Variants in NELL2 observed in about 807,000 individuals in gnomAD.
The protein encoded by NELL2 is neural EGFL like 2.
A neutral mutation model predicts 109.6 loss-of-function variants in NELL2; 41 were observed. The observed-to-expected ratio is 0.37, with a 90% confidence interval of 0.29 to 0.49. NELL2 has a LOEUF of 0.49. Among genes scored for constraint, NELL2 ranks in the 20% least tolerant of loss-of-function variants. The probability of loss-of-function intolerance (pLI) is 0.98; values close to 1 mark genes in which losing one functional copy is unlikely to be tolerated. For synonymous variants in NELL2, 355 were observed against 344.7 expected, an observed-to-expected ratio of 1.03 and a Z score of -0.33; for missense variants, 900 against 1,008.3, an observed-to-expected ratio of 0.89 and a Z score of 1.45.
chr12:44,633,691 T>C (rs1273958659), intron 13 of NELL2, among the ~76,000 whole-genome samples: 2 of 152,174 alleles, frequency 1.3e-5, no homozygotes, highest in Non-Finnish European at 1.5e-5. Flanking sequence ...AGTAGATTCA[T>C]ATGACGTTCT....
chr12:44,764,021 C>T (rs935155483), intron 9 of NELL2, among the ~76,000 whole-genome samples: 1 of 152,142 alleles, frequency 6.6e-6, no homozygotes, highest in Non-Finnish European at 1.5e-5. Context: ...CCCCAAGCTA[C>T]TAAAGGCCTG....
chr12:44,724,079 C>A (rs939472388), intron 9 of NELL2, among the ~76,000 whole-genome samples: 1 of 151,876 alleles, frequency 6.6e-6, no homozygotes, highest in African/African-American at 2.4e-5. Flanking sequence ...AGAATGAGAT[C>A]ATGCCCTTTG....
chr12:44,847,091 T>G (rs538991873), intron 2 of NELL2, among the ~76,000 whole-genome samples: 14 of 152,176 alleles, frequency 9.2e-5, no homozygotes, highest in Non-Finnish European at 1.9e-4. Flanking sequence ...CATAACATTC[T>G]ATGCTTCCAG....
chr12:44,786,928 G>A (rs926811268), intron 3 of NELL2, among the ~76,000 whole-genome samples: 2 of 151,932 alleles, frequency 1.3e-5, no homozygotes, highest in South Asian at 2.1e-4. Flanking sequence ...TAATGCATGC[G>A]GGGCTTAAAA....
chr12:44,683,392 C>T (rs1288645044), intron 12 of NELL2, among the ~76,000 whole-genome samples: 1 of 144,166 alleles, frequency 6.9e-6, no homozygotes, highest in Non-Finnish European at 1.5e-5. Flanking sequence ...TCCTCTTTTC[C>T]TGATTGAATA....
intron 1 of NELL2, among the ~76,000 whole-genome samples, chr12:44,908,188 A>G (rs912731068): frequency 6.6e-6 from 1 of 151,990 alleles, no homozygotes; most frequent in Non-Finnish European, 1.5e-5. Flanking sequence ...AGTGATCAAT[A>G]ATTTGAAGTG....
At chr12:44,833,074 C>A (rs747703233) in intron 2 of NELL2, among the ~76,000 whole-genome samples, 3 of 152,194 alleles carry the variant, frequency 2.0e-5, no homozygotes, top group Non-Finnish European at 4.4e-5. Flanking sequence ...CCAATTCCAC[C>A]ACCAGTTTTG....
intron 10 of NELL2, 26 bp downstream of exon 10, chr12:44,714,624 G>T: frequency 7.1e-7 from 1 of 1,414,466 alleles, no homozygotes. Context: ...AAACAATTTT[G>T]AAAGACCCAC....
At chr12:44,650,585 G>A (rs538838941) in intron 13 of NELL2, among the ~76,000 whole-genome samples, 44 of 152,130 alleles carry the variant, frequency 2.9e-4, no homozygotes, top group African/African-American at 9.6e-4. Flanking sequence ...GTAAACTACC[G>A]TGCCTGGCCC....
chr12:44,609,995 C>T (rs935472789), intron 14 of NELL2, among the ~76,000 whole-genome samples: 1 of 151,846 alleles, frequency 6.6e-6, no homozygotes, highest in African/African-American at 2.4e-5. Context: ...CCAAAAAGGT[C>T]TTCTATTTCC....
Position 44,573,377 on chromosome 12 carries a change from C to T in NELL2, c.1663+33792G>A, listed in dbSNP as rs528310107. 3.5e-4 allele frequency among the ~76,000 whole-genome samples: 54 copies of T among 152,192 alleles called. No homozygotes were observed. The South Asian group carries it at 5.4e-3, about 15-fold the overall frequency. ...GAAAACAATAGAAGACAATCAAAAT[C>T]GTAGCACAGAAAGAAAATATCCAGC... On this transcript the variant is annotated intron_variant, in intron 15 of 19. Transcript: ENST00000429094.
At chr12:44,786,792 T>G (rs1942189521) in intron 3 of NELL2, among the ~76,000 whole-genome samples, 1 of 152,056 alleles carries the variant, frequency 6.6e-6, no homozygotes, top group Non-Finnish European at 1.5e-5. Flanking sequence ...AACCAAACAC[T>G]GCATTGTCTC....
upstream of NELL2, among the ~76,000 whole-genome samples, chr12:44,877,808 G>A (rs1945364716): frequency 6.6e-6 from 1 of 152,016 alleles, no homozygotes; most frequent in South Asian, 2.1e-4. Flanking sequence ...ACTTTGTAAA[G>A]TTTGAGAAAT....
At chr12:44,641,867 T>A (rs906064704) in intron 13 of NELL2, among the ~76,000 whole-genome samples, 1 of 151,976 alleles carries the variant, frequency 6.6e-6, no homozygotes, top group African/African-American at 2.4e-5. Context: ...CGGCTAACGT[T>A]TTGCATGTTA....
At chr12:44,911,822 A>C (rs945955459) in intron 1 of NELL2, among the ~76,000 whole-genome samples, 5 of 151,812 alleles carry the variant, frequency 3.3e-5, no homozygotes, top group African/African-American at 1.2e-4. Context: ...GTGGTGACTA[A>C]ATCTTTCTGT....
chr12:44,830,661 G>A (rs958584660), intron 2 of NELL2, among the ~76,000 whole-genome samples: 33 of 152,036 alleles, frequency 2.2e-4, no homozygotes, highest in African/African-American at 7.7e-4. Context: ...TGATCATGAT[G>A]CCAGAAAATC....
chr12:44,780,650 G>A (rs1035124686), intron 3 of NELL2, among the ~76,000 whole-genome samples: 1 of 152,022 alleles, frequency 6.6e-6, no homozygotes, highest in Non-Finnish European at 1.5e-5. Flanking sequence ...CATCTTGGAA[G>A]TAATGAAGCA....
chr12:44,667,833 G>A (rs1947980412), intron 12 of NELL2, among the ~76,000 whole-genome samples: 1 of 152,112 alleles, frequency 6.6e-6, no homozygotes, highest in African/African-American at 2.4e-5. Flanking sequence ...ATCTGCAGAG[G>A]TCCACATTCC....
chr12:44,684,161 C>A (rs1216222850), intron 12 of NELL2, among the ~76,000 whole-genome samples: 1 of 152,148 alleles, frequency 6.6e-6, no homozygotes, highest in African/African-American at 2.4e-5. Flanking sequence ...CTGCATGTGT[C>A]GAGGAATTTA....
Sources: allele counts gnomAD v4.1 joint callset (sites outside exome capture counted in the v4.1 genomes callset), GRCh38; gene constraint gnomAD v4.1.1; transcripts MANE v1.5; gene names NCBI Gene and HGNC (gene_info 2026-07-23, HGNC 2026-07-21).